Variants in OSBPL8 observed in about 807,000 individuals in gnomAD.
OSBPL8 encodes the protein oxysterol-binding protein-related protein 8.
In OSBPL8, 59 loss-of-function variants were observed where a neutral mutation model predicts 125.5. The observed-to-expected ratio is 0.47, with a 90% CI of 0.38 to 0.58. OSBPL8 has a LOEUF of 0.58. OSBPL8 is among the 20% of genes least tolerant of loss of function. The pLI is 0.00. For synonymous variants in OSBPL8, 330 were observed against 338.9 expected (o/e 0.97, Z 0.29); for missense variants, 758 against 1,047.8 (o/e 0.72, Z 3.82).
chr12:76,491,436 A>G (rs1320489461), intron 1 of OSBPL8, among the ~76,000 whole-genome samples: 1 of 152,222 alleles, frequency 6.6e-6, no homozygotes, highest in Non-Finnish European at 1.5e-5. Flanking sequence ...TTCTACAAGT[A>G]TAAAAGGCCT....
chr12:76,393,252 T>C (rs1247849934), intron 9 of OSBPL8, among the ~76,000 whole-genome samples: 1 of 152,192 alleles, frequency 6.6e-6, no homozygotes, highest in Admixed American at 6.5e-5. Context: ...GAAACATTAA[T>C]AGTTTTATTT....
intron 14 of OSBPL8, 79 bp downstream of exon 14, chr12:76,386,089 T>G (rs1953296925): frequency 6.6e-7 from 1 of 1,515,818 alleles, no homozygotes. Context: ...AATATTGAGT[T>G]TACTGGGTAA....
intron 4 of OSBPL8, among the ~76,000 whole-genome samples, chr12:76,423,602 C>T (rs1400537690): frequency 6.6e-6 from 1 of 152,144 alleles, no homozygotes; most frequent in Non-Finnish European, 1.5e-5. Context: ...ATTGACTCCA[C>T]GTCATTAAAT....
chr12:76,454,028 T>C (rs750771871), intron 3 of OSBPL8, among the ~76,000 whole-genome samples: 2 of 152,194 alleles, frequency 1.3e-5, no homozygotes, highest in Non-Finnish European at 2.9e-5. Flanking sequence ...CAAAAATTAA[T>C]GTCTGATAAT....
At chr12:76,534,328 G>A (rs1342321816) in intron 1 of OSBPL8, 7 of 152,132 alleles carry the variant, frequency 4.6e-5, no homozygotes, top group African/African-American at 1.7e-4. Flanking sequence ...ATTTTAAATT[G>A]AAAAGTGTTA....
Position 76,362,456 on chromosome 12 carries a change from G to A in OSBPL8, c.2329-3645C>T, listed in dbSNP as rs181835339. ...CCACATGATTATCTCAACAGATGCC[G>A]AAAAGGCCTTTAATAAAATTCAACA... On this transcript the variant is annotated intron_variant, in intron 21 of 23. Coordinates refer to ENST00000261183, the MANE Select transcript of OSBPL8 (RefSeq NM_020841.5). Among the ~76,000 whole-genome samples the A allele has an allele frequency of 2.0e-4, 31 of 152,214 alleles. No individual in the cohort carries two copies. The East Asian group carries it at 4.6e-3, about 23-fold the overall frequency.
chr12:76,543,399 A>T (rs1430850030), intron 1 of OSBPL8, among the ~76,000 whole-genome samples: 1 of 151,946 alleles, frequency 6.6e-6, no homozygotes, highest in African/African-American at 2.4e-5. Flanking sequence ...TAGAAAATGA[A>T]ATCTCCCTAT....
intron 3 of OSBPL8, among the ~76,000 whole-genome samples, chr12:76,453,681 C>CA (rs1328446525): frequency 1.3e-5 from 2 of 151,756 alleles, no homozygotes; most frequent in African/African-American, 4.8e-5. Flanking sequence ...TAAAAAGACA[C>CA]AAAAAAGCAC....
chr12:76,548,636 A>G (rs914544443), intron 1 of OSBPL8, among the ~76,000 whole-genome samples: 6 of 148,242 alleles, frequency 4.0e-5, no homozygotes, highest in African/African-American at 1.3e-4. Context: ...AAGGGCCCAT[A>G]CATAGCCTAG....
intron 1 of OSBPL8, among the ~76,000 whole-genome samples, chr12:76,545,044 T>A (rs1565986609): frequency 6.6e-6 from 1 of 152,168 alleles, no homozygotes; most frequent in Non-Finnish European, 1.5e-5. Flanking sequence ...ACACAGTTAC[T>A]TACTAGGAAA....
intron 2 of OSBPL8, among the ~76,000 whole-genome samples, chr12:76,468,581 A>G (rs1353820709): frequency 6.6e-6 from 1 of 152,202 alleles, no homozygotes; most frequent in Non-Finnish European, 1.5e-5. Flanking sequence ...TTTGCGCCAT[A>G]GCAGACACTC....
At chr12:76,379,038 C>T (rs890871829) in intron 15 of OSBPL8, among the ~76,000 whole-genome samples, 1 of 152,152 alleles carries the variant, frequency 6.6e-6, no homozygotes, top group African/African-American at 2.4e-5. Context: ...CTGCCCACCT[C>T]GGCCTCCCAA....
chr12:76,369,373 T>C, intron 20 of OSBPL8, 72 bp from the exon 21 acceptor site: 1 of 1,505,134 alleles, frequency 6.6e-7, no homozygotes, highest in Non-Finnish European at 8.8e-7. Flanking sequence ...TTCTATTCTA[T>C]GATCCAATTT....
intron 1 of OSBPL8, among the ~76,000 whole-genome samples, chr12:76,525,080 G>C (rs958281262): frequency 5.9e-5 from 9 of 152,062 alleles, no homozygotes; most frequent in Admixed American, 4.6e-4. Context: ...AACTGCAAAG[G>C]GGGGTAAAAA....
intron 4 of OSBPL8, among the ~76,000 whole-genome samples, chr12:76,439,758 TTAAG>T (rs1410454032): frequency 1.3e-5 from 2 of 152,184 alleles, no homozygotes; most frequent in Admixed American, 6.5e-5. Flanking sequence ...GTTCATTTCA[TTAAG>T]TTTTTGAAAT....
At chr12:76,468,383 C>G (rs1418097372) in intron 2 of OSBPL8, among the ~76,000 whole-genome samples, 1 of 152,218 alleles carries the variant, frequency 6.6e-6, no homozygotes, top group Non-Finnish European at 1.5e-5. Flanking sequence ...AGCTAAAATT[C>G]TGTCTAGTAA....
intron 7 of OSBPL8, among the ~76,000 whole-genome samples, chr12:76,399,280 G>A (rs1953952046): frequency 6.6e-6 from 1 of 152,034 alleles, no homozygotes; most frequent in Non-Finnish European, 1.5e-5. Context: ...GTGAGTCAGA[G>A]TCCTACGAGA....
At chr12:76,478,934 A>T (rs1047909247) in intron 2 of OSBPL8, among the ~76,000 whole-genome samples, 3 of 151,964 alleles carry the variant, frequency 2.0e-5, no homozygotes, top group Non-Finnish European at 2.9e-5. Flanking sequence ...AAATACAAAA[A>T]ATTAGCCGGG....
At chr12:76,531,701 T>C (rs1277614753) in intron 1 of OSBPL8, among the ~76,000 whole-genome samples, 1 of 152,080 alleles carries the variant, frequency 6.6e-6, no homozygotes. Context: ...TAGTAATTGT[T>C]TAGTTTTGAA....
Sources: gnomAD v4.1 joint callset for allele counts (sites outside exome capture counted in the v4.1 genomes callset) on GRCh38, gnomAD v4.1.1 for gene constraint, MANE v1.5 for transcripts, NCBI Gene and HGNC (gene_info 2026-07-23, HGNC 2026-07-21) for gene names.